FHIT: variants seen among roughly 807,000 people sequenced by gnomAD.
FHIT encodes fragile histidine triad diadenosine triphosphatase.
Under a neutral mutation model 17.9 loss-of-function variants are expected in FHIT, and 19 were observed. That is an observed-to-expected ratio of 1.06 (90% CI 0.74 to 1.56). The LOEUF (loss-of-function observed/expected upper bound fraction) is 1.56. FHIT is among the 40% of genes most tolerant of loss of function. FHIT has a pLI of 0.00. For synonymous variants in FHIT, 81 were observed against 69.7 expected (o/e 1.16, Z -0.81); for missense variants, 248 against 189.2 (o/e 1.31, Z -1.82).
chr3:60,694,984 C>T (rs1364773859), intron 4 of FHIT, among the ~76,000 whole-genome samples: 2 of 152,082 alleles, frequency 1.3e-5, no homozygotes, highest in Admixed American at 6.5e-5. Flanking sequence ...ATGGGTGCAG[C>T]ACACCAACAT....
intron 5 of FHIT, among the ~76,000 whole-genome samples, chr3:60,349,177 TAA>T (rs1710950246): frequency 6.6e-6 from 1 of 152,204 alleles, no homozygotes; most frequent in Non-Finnish European, 1.5e-5. Context: ...TTCTATTTTT[TAA>T]AAGAGAAAAG....
At chr3:60,363,920 C>A (rs1399866503) in intron 5 of FHIT, among the ~76,000 whole-genome samples, 6 of 152,160 alleles carry the variant, frequency 3.9e-5, no homozygotes, top group East Asian at 1.9e-4. Flanking sequence ...AAGGCAGGCT[C>A]TTCTCCACAC....
At chr3:60,119,194 C>T (rs1413705563) in intron 5 of FHIT, among the ~76,000 whole-genome samples, 1 of 151,806 alleles carries the variant, frequency 6.6e-6, no homozygotes, top group Admixed American at 6.6e-5. Flanking sequence ...CTGCCTCAGC[C>T]TCTCAAGTAG....
At chr3:61,075,426 C>T (rs1243783649) in intron 2 of FHIT, among the ~76,000 whole-genome samples, 3 of 152,066 alleles carry the variant, frequency 2.0e-5, no homozygotes, top group Admixed American at 2.0e-4. Flanking sequence ...TCAGAAACAG[C>T]TTTTTAGTAA....
intron 5 of FHIT, among the ~76,000 whole-genome samples, chr3:60,298,780 T>C (rs1708323152): frequency 1.3e-5 from 2 of 152,162 alleles, no homozygotes. Flanking sequence ...AAACTTAAAA[T>C]AAGTCAACTT....
At chr3:60,668,238 GGA>G (rs2040425872) in intron 4 of FHIT, among the ~76,000 whole-genome samples, 1 of 151,738 alleles carries the variant, frequency 6.6e-6, no homozygotes, top group Non-Finnish European at 1.5e-5. Flanking sequence ...TGGTGGAAAG[GGA>G]GAGTCTCAGG....
chr3:59,960,053 G>A (rs916773727), intron 7 of FHIT, among the ~76,000 whole-genome samples: 1 of 152,134 alleles, frequency 6.6e-6, no homozygotes, highest in African/African-American at 2.4e-5. Flanking sequence ...TGGAAAGGCA[G>A]AGAGGAGGTG....
intron 4 of FHIT, among the ~76,000 whole-genome samples, chr3:60,549,490 T>A (rs2036475212): frequency 2.0e-5 from 3 of 152,178 alleles, no homozygotes; most frequent in Admixed American, 2.0e-4. Context: ...TGAGAATCAC[T>A]GTGTTCAAAG....
intron 4 of FHIT, among the ~76,000 whole-genome samples, chr3:60,786,296 G>A (rs782062247): frequency 1.3e-5 from 2 of 152,078 alleles, no homozygotes; most frequent in East Asian, 3.8e-4. Flanking sequence ...AAGAAAAAAG[G>A]CCATAACCAA....
At chr3:60,336,278 T>C (rs1012739291) in intron 5 of FHIT, among the ~76,000 whole-genome samples, 3 of 152,152 alleles carry the variant, frequency 2.0e-5, no homozygotes, top group African/African-American at 7.2e-5. Context: ...CAGAAGTAAA[T>C]GAAACATTCA....
At chr3:60,794,294 A>T (rs1700896605) in intron 4 of FHIT, among the ~76,000 whole-genome samples, 1 of 152,176 alleles carries the variant, frequency 6.6e-6, no homozygotes, top group Admixed American at 6.5e-5. Flanking sequence ...TAGATATTAT[A>T]TTAGATCTAT....
intron 8 of FHIT, among the ~76,000 whole-genome samples, chr3:59,898,637 TC>T (rs762570697): frequency 2.0e-4 from 30 of 152,254 alleles, no homozygotes; most frequent in Admixed American, 1.1e-3. Context: ...CTCTACAGAA[TC>T]TTTTTTTTTC....
intron 2 of FHIT, among the ~76,000 whole-genome samples, chr3:61,091,413 A>C (rs1367957195): frequency 6.6e-6 from 1 of 152,150 alleles, no homozygotes; most frequent in Non-Finnish European, 1.5e-5. Flanking sequence ...GCATATATCA[A>C]TATCTACCTC....
At chr3:61,061,623 G>C (rs7619248) in intron 2 of FHIT, among the ~76,000 whole-genome samples, 91,019 of 151,694 alleles carry the variant, frequency 0.6, 28,170 homozygotes, top group Non-Finnish European at 0.65. Context: ...ACACAGCTCA[G>C]CAATGATGCA....
chr3:59,935,092 T>C (rs919367941), intron 7 of FHIT, among the ~76,000 whole-genome samples: 3 of 152,170 alleles, frequency 2.0e-5, no homozygotes, highest in African/African-American at 7.2e-5. Context: ...CATTCCAAGA[T>C]AGAGTCTTCC....
chr3:60,162,961 C>T (rs1188718893), intron 5 of FHIT, among the ~76,000 whole-genome samples: 1 of 152,166 alleles, frequency 6.6e-6, no homozygotes, highest in African/African-American at 2.4e-5. Context: ...TTCCAGAGTA[C>T]AGAGCACCCC....
chr3:60,378,499 TTTAAA>T (rs1700668774), intron 5 of FHIT, among the ~76,000 whole-genome samples: 1 of 152,152 alleles, frequency 6.6e-6, no homozygotes, highest in African/African-American at 2.4e-5. Context: ...TCTAGAGACA[TTTAAA>T]TTAATCATTT....
chr3:60,023,030 G>A (rs1700608171), intron 5 of FHIT, among the ~76,000 whole-genome samples: 1 of 152,174 alleles, frequency 6.6e-6, no homozygotes, highest in Admixed American at 6.5e-5. Flanking sequence ...TCCACAATGT[G>A]TAAACATGAG....
At chr3:60,383,813 A>T (rs1201143880) in intron 5 of FHIT, among the ~76,000 whole-genome samples, 1 of 152,222 alleles carries the variant, frequency 6.6e-6, no homozygotes, top group Non-Finnish European at 1.5e-5. Context: ...CTGTCTCTCT[A>T]AACAACAGCA....
Sources: allele counts gnomAD v4.1 joint callset (sites outside exome capture counted in the v4.1 genomes callset), GRCh38; gene constraint gnomAD v4.1.1; transcripts MANE v1.5; gene names NCBI Gene and HGNC (gene_info 2026-07-23, HGNC 2026-07-21).